Variants in CDH23 observed in about 807,000 individuals in gnomAD.
CDH23 encodes the protein cadherin related 23, also known as cadherin-23.
CDH23 carries 189 observed loss-of-function variants against 317.1 expected under a neutral mutation model. The observed-to-expected ratio is 0.60, with a 90% CI of 0.53 to 0.67. The LOEUF (loss-of-function observed/expected upper bound fraction) is 0.67. Among genes scored for constraint, CDH23 ranks in the 30% least tolerant of loss-of-function variants. CDH23 has a pLI of 0.00. For synonymous variants in CDH23, 1,839 were observed against 1,876.8 expected, an observed-to-expected ratio of 0.98 and a Z score of 0.52; for missense variants, 4,401 against 4,592.4, an observed-to-expected ratio of 0.96 and a Z score of 1.20.
intron 20 of CDH23, 57 bp from the exon 21 acceptor site, chr10:71,694,090 T>A: frequency 1.6e-6 from 2 of 1,287,506 alleles, no homozygotes; most frequent in Non-Finnish European, 2.3e-6. Flanking sequence ...TCTTCTTCCC[T>A]CCCTCTCTCC....
chr10:71,400,911 A>C (rs1305971460), intron 1 of CDH23, among the ~76,000 whole-genome samples: 1 of 152,198 alleles, frequency 6.6e-6, no homozygotes, highest in African/African-American at 2.4e-5. Context: ...GTAAAAATTG[A>C]CCTAATTTCC....
chr10:71,467,429 G>A (rs1249757745), intron 3 of CDH23, among the ~76,000 whole-genome samples: 1 of 152,232 alleles, frequency 6.6e-6, no homozygotes, highest in Non-Finnish European at 1.5e-5. Flanking sequence ...GAAGCTTCCA[G>A]GCGATGGTGA....
Position 71,785,015 on chromosome 10 carries a change from G to A in CDH23, c.5627G>A (p.Ser1876Asn), listed in dbSNP as rs983665281. ...VSSFVAHVLA[S>N]DADSGCNARL... is the part of the protein sequence containing the mutation. ...AGCTTTGTCGCCCATGTCCTGGCCA[G>A]TGACGCTGACAGTGGCTGCAATGCA... Residue 1876 changes from serine to asparagine, a missense_variant, in exon 43 of 70, where the codon AGT becomes AAT. Ser to Asn is a conservative substitution (Grantham distance 46). This residue lies in a region of CDH23 where 3,068 missense variants were observed against 3,203.3 expected (regional missense o/e 0.96). Coordinates refer to ENST00000224721, the MANE Select transcript of CDH23 (RefSeq NM_022124.6). 3.3e-5 allele frequency: 54 copies of A among 1,613,960 alleles called. No individual in the cohort carries two copies. In the East Asian group the frequency reaches 1.2e-3, roughly 35 times the overall value.
intron 38 of CDH23, among the ~76,000 whole-genome samples, chr10:71,776,794 G>A (rs940450187): frequency 1.3e-5 from 2 of 152,172 alleles, no homozygotes; most frequent in African/African-American, 2.4e-5. Flanking sequence ...AAACACCCCC[G>A]CCTCTTTCTC....
chr10:71,611,161 G>A (rs1231423070), intron 9 of CDH23, among the ~76,000 whole-genome samples: 1 of 151,656 alleles, frequency 6.6e-6, no homozygotes, highest in Non-Finnish European at 1.5e-5. Flanking sequence ...AGAGAAACTT[G>A]CATGTGTGGC....
chr10:71,577,551 A>G (rs990464012), intron 8 of CDH23, among the ~76,000 whole-genome samples: 11 of 152,046 alleles, frequency 7.2e-5, no homozygotes, highest in Non-Finnish European at 1.6e-4. Flanking sequence ...AGGTGCAGCA[A>G]CCTTCCTAAG....
At chr10:71,693,462 T>C (rs1170816931) in intron 20 of CDH23, among the ~76,000 whole-genome samples, 1 of 152,250 alleles carries the variant, frequency 6.6e-6, no homozygotes, top group Admixed American at 6.5e-5. Context: ...AATTATGCTC[T>C]TCACAATGTA....
At position 71,790,425 on chromosome 10, in the gene CDH23, G is replaced by T. The variant is rs774271113; in HGVS notation, c.6049+12G>T. ...CAACAGCAGCACCGGTGAGGCCTCTGTGCCACCCAGCACTCCCAGCCTGAT... is the reference window on the plus strand; with the variant it reads ...CAACAGCAGCACCGGTGAGGCCTCTTTGCCACCCAGCACTCCCAGCCTGAT... On this transcript the variant is annotated intron_variant, in intron 46 of 69. Transcript: ENST00000224721. The T allele has an allele frequency of 6.2e-7, 1 of 1,610,882 alleles. No individual in the cohort carries two copies. The highest frequency in any genetic ancestry group is 1.1e-5 in the South Asian group (1 of 90,780).
chr10:71,650,614 G>A (rs561294321), intron 14 of CDH23, among the ~76,000 whole-genome samples: 14 of 152,306 alleles, frequency 9.2e-5, no homozygotes, highest in South Asian at 6.2e-4. Context: ...GGGGATGTGC[G>A]TACACTATAT....
chr10:71,777,661 G>C lies in CDH23; in HGVS notation c.4846-19G>C, dbSNP rs80261750. ...CCTCTGGCCACCTGACCAAGGACGT[G>C]ACCCACTCTTTTCCACAGGCCACCA... is the stretch of plus-strand genomic sequence containing the variant. On this transcript the variant is annotated intron_variant, in intron 38 of 69. Transcript: ENST00000224721. The C allele has an allele frequency of 1.5e-3, 2,421 of 1,597,084 alleles. 26 individuals are homozygous for C. In the African/African-American group the frequency reaches 0.029, roughly 19 times the overall value.
chr10:71,734,629 C>G, intron 33 of CDH23, 27 bp from the exon 34 acceptor site: 2 of 1,526,556 alleles, frequency 1.3e-6, no homozygotes, highest in Non-Finnish European at 1.8e-6. Context: ...TCTCTCACTC[C>G]CCTCCTGCTG....
In CDH23 at chr10:71,695,495, G is replaced by A; in HGVS notation, c.2367G>A (p.Glu789=). ...CACCCTACTACATCAACCTGGTGGA[G>A]ATGACCCCTCCAGACTCTGATGTGA... ...KDAPYYINLV[E]MTPPDSDVTT... Residue 789 remains glutamate (E), a synonymous_variant, in exon 22 of 70, where the codon GAG becomes GAA. Transcript: ENST00000224721. 6.2e-7 allele frequency: 1 copy of A among 1,613,494 alleles called. No individual in the cohort carries two copies. The highest frequency in any genetic ancestry group is 8.5e-7 in the Non-Finnish European group (1 of 1,179,434).
intron 38 of CDH23, among the ~76,000 whole-genome samples, chr10:71,759,258 G>C (rs960223938): frequency 6.6e-6 from 1 of 151,872 alleles, no homozygotes; most frequent in Admixed American, 6.6e-5. Flanking sequence ...GGCTGGTCTC[G>C]AACTCCTGGC....
rs754520993 is a variant in CDH23 at position 71,807,553 on chromosome 10, T to C, written c.8346T>C (p.Asp2782=). Residue 2782 remains aspartate, a synonymous_variant, in exon 59 of 70, where the codon GAT becomes GAC. Coordinates refer to ENST00000224721, the MANE Select transcript of CDH23 (RefSeq NM_022124.6). The part of the protein sequence containing the change: ...NEEKNFHLQP[D]GCLLVLRDLD... ...AGAAGAACTTCCATCTGCAGCCCGA[T>C]GGGTGTCTGCTGGTGCTGCGGGACC... 1 of 1,613,876 alleles carries C rather than the reference T, an allele frequency of 6.2e-7. No homozygotes were observed. The highest frequency in any genetic ancestry group is 8.5e-7 in the Non-Finnish European group (1 of 1,179,902).
At chr10:71,749,633 C>T (rs1227213987) in intron 38 of CDH23, 2 of 152,380 alleles carry the variant, frequency 1.3e-5, no homozygotes, top group African/African-American at 2.4e-5. Context: ...TTTACCCTCT[C>T]CTCAAAGCCC....
chr10:71,776,319 G>C (rs10762478), intron 38 of CDH23, among the ~76,000 whole-genome samples: 2 of 152,148 alleles, frequency 1.3e-5, no homozygotes, highest in African/African-American at 2.4e-5. Flanking sequence ...CATTCTTCCA[G>C]TGGTAGCTCC....
In CDH23 at chr10:71,477,953, T is replaced by G. The variant is rs957697911; in HGVS notation, c.145+31558T>G. Among the ~76,000 whole-genome samples the G allele has an allele frequency of 1.5e-4, 23 of 152,136 alleles. 1 individual carries two copies. The highest frequency in any genetic ancestry group is 4.4e-5 in the Non-Finnish European group (3 of 68,040). On this transcript the variant is annotated intron_variant, in intron 3 of 69. Transcript: ENST00000224721. The stretch of plus-strand genomic sequence containing the variant: ...AGACATCACTACTCTATCATGGTAC[T>G]TTTTCTCTTCTCCACACAGTACCCC...
chr10:71,625,370 C>A (rs1861667890), intron 11 of CDH23, among the ~76,000 whole-genome samples: 1 of 128,390 alleles, frequency 7.8e-6, no homozygotes, highest in East Asian at 2.1e-4. Context: ...CCCACCTCCC[C>A]ATGGAGAAAA....
intron 60 of CDH23, among the ~76,000 whole-genome samples, chr10:71,809,249 G>A (rs1564806208): frequency 7.8e-6 from 1 of 127,720 alleles, no homozygotes; most frequent in Non-Finnish European, 1.6e-5. Context: ...TGCAATCTCA[G>A]CTCACTGCAG....
Sources: gnomAD v4.1 joint callset for allele counts (sites outside exome capture counted in the v4.1 genomes callset) on GRCh38, gnomAD v4.1.1 for gene constraint, gnomAD v4.1.1 regional missense constraint, MANE v1.5 for transcripts, NCBI Gene and HGNC (gene_info 2026-07-23, HGNC 2026-07-21) for gene names.